Variants in TUBGCP3 observed in about 807,000 individuals in gnomAD.
TUBGCP3 encodes tubulin gamma complex component 3, also known as gamma-tubulin complex component 3.
A neutral mutation model predicts 123.1 loss-of-function variants in TUBGCP3; 50 were observed. That is an observed-to-expected ratio of 0.41 (90% CI 0.32 to 0.51). The LOEUF is 0.51. TUBGCP3 is among the 20% of genes least tolerant of loss of function. The pLI, the probability that TUBGCP3 is intolerant of heterozygous loss-of-function variation, is 0.36. For synonymous variants in TUBGCP3, 405 were observed against 413.9 expected (o/e 0.98, Z 0.26); for missense variants, 882 against 1,127.0 (o/e 0.78, Z 3.11).
At position 112,554,744 on chromosome 13, in the gene TUBGCP3, A is replaced by G. The variant is rs1879882331; in HGVS notation, c.840+143T>C. ...ACGAGCCACAATGGACAGAAATAGA[A>G]ACCAGAATTCCACAGTGCAATTTCA... On this transcript the variant is annotated intron_variant, in intron 7 of 21. Transcript: ENST00000261965. The G allele has an allele frequency of 1.6e-5, 10 of 607,584 alleles. No individual in the cohort carries two copies. In the South Asian group the frequency reaches 2.1e-4, roughly 13 times the overall value. The allele number at this position is 607,584 out of a possible 1,614,324, so 37.6% of individuals were successfully genotyped here. A position where few individuals can be genotyped will look rare whatever the true frequency, so the allele number is the denominator to read the frequency against.
the TUBGCP3 span, among the ~76,000 whole-genome samples, chr13:112,600,418 TCAC>T: frequency 6.6e-6 from 1 of 152,214 alleles, no homozygotes; most frequent in Non-Finnish European, 1.5e-5. Context: ...AAATTTATAC[TCAC>T]TTTTCTTTTA....
chr13:112,486,280 C>G (rs1879666290), intron 21 of TUBGCP3, 129 bp from the exon 22 acceptor site: 3 of 1,146,262 alleles, frequency 2.6e-6, no homozygotes, highest in South Asian at 3.2e-5. Flanking sequence ...TTAGTAAATG[C>G]CCACCAGGGC....
intron 8 of TUBGCP3, among the ~76,000 whole-genome samples, chr13:112,553,601 T>A (rs9635135): frequency 0.16 from 23,975 of 152,218 alleles, 2,145 homozygotes; most frequent in Non-Finnish European, 0.21. Flanking sequence ...CAGACAGCCA[T>A]AGCCAGGATT....
At chr13:112,566,071 G>A (rs1594210957) in intron 2 of TUBGCP3, among the ~76,000 whole-genome samples, 1 of 152,218 alleles carries the variant, frequency 6.6e-6, no homozygotes, top group Non-Finnish European at 1.5e-5. Flanking sequence ...AAATGTCTTT[G>A]GCTGTTCCAG....
chr13:112,535,802 C>T (rs1036901944), intron 11 of TUBGCP3, among the ~76,000 whole-genome samples: 2 of 152,218 alleles, frequency 1.3e-5, no homozygotes, highest in African/African-American at 4.8e-5. Context: ...CTTGTTCTCA[C>T]TGCTGGTGCT....
chr13:112,526,549 TCCC>T (rs892727682), intron 13 of TUBGCP3, among the ~76,000 whole-genome samples: 1 of 144,912 alleles, frequency 6.9e-6, no homozygotes, highest in African/African-American at 2.6e-5. Flanking sequence ...TCACCACCCA[TCCC>T]CAACATCATC....
chr13:112,563,205 ATTC>A (rs1166775653), intron 3 of TUBGCP3, among the ~76,000 whole-genome samples: 1 of 152,170 alleles, frequency 6.6e-6, no homozygotes, highest in Non-Finnish European at 1.5e-5. Context: ...AAGAGCAAAC[ATTC>A]GACTGCACCT....
At chr13:112,498,308 A>G (rs757074757) in intron 20 of TUBGCP3, among the ~76,000 whole-genome samples, 36 of 152,210 alleles carry the variant, frequency 2.4e-4, no homozygotes, top group Non-Finnish European at 3.5e-4. Context: ...CAGTATTTGC[A>G]TATACATAAC....
chr13:112,543,571 T>G (rs1375760624), intron 11 of TUBGCP3, among the ~76,000 whole-genome samples: 1 of 152,154 alleles, frequency 6.6e-6, no homozygotes, highest in Non-Finnish European at 1.5e-5. Flanking sequence ...TTTCAAACCA[T>G]AGAGTCATTT....
intron 1 of TUBGCP3, among the ~76,000 whole-genome samples, chr13:112,576,430 G>A (rs145928996): frequency 1.1e-3 from 169 of 152,176 alleles, no homozygotes; most frequent in Non-Finnish European, 2.0e-3. Flanking sequence ...GCATGGGGAC[G>A]GTAGTTAATG....
chr13:112,516,393 A>G (rs748679993), intron 17 of TUBGCP3, 47 bp downstream of exon 17: 3 of 1,496,160 alleles, frequency 2.0e-6, no homozygotes, highest in Admixed American at 4.4e-5. Flanking sequence ...TGGGGGCTGG[A>G]GGCCGCTGGG....
chr13:112,524,628 C>A lies in TUBGCP3; in HGVS notation c.1556-2119G>T, dbSNP rs1434891217. On this transcript the variant is annotated intron_variant, in intron 13 of 21. Transcript: ENST00000261965. This position sits in a 1 kb window ranked among gnomAD's most constrained non-coding sequence, Gnocchi z 4.4. ...GAACAATCTGGGGTCTATGTACCCC[C>A]CCACAAAAAAATACATGTAAAATTA... Among the ~76,000 whole-genome samples, 1 of 152,134 alleles carries A rather than the reference C, an allele frequency of 6.6e-6. No homozygotes were observed. Among genetic ancestry groups the A allele is most frequent in the Non-Finnish European group, 1.5e-5 (1 of 68,014 alleles).
At chr13:112,542,084 T>C (rs1216436751) in intron 11 of TUBGCP3, among the ~76,000 whole-genome samples, 2 of 151,902 alleles carry the variant, frequency 1.3e-5, no homozygotes, top group East Asian at 3.9e-4. Context: ...CTGGTCAAAG[T>C]ATTTCTCATA....
At position 112,489,628 on chromosome 13, in the gene TUBGCP3, T is replaced by C. The variant is rs150815099; in HGVS notation, c.2518A>G (p.Ile840Val). The change falls in exon 21 of 22, where the codon ATA (isoleucine) becomes GTA (valine). Residue 840 changes from isoleucine (I) to valine (V), a missense_variant. Ile to Val is a conservative substitution (Grantham distance 29). Around this residue, in one of 3 missense-constraint regions of TUBGCP3, gnomAD observed 160 missense variants for 220.3 expected, o/e 0.73. Transcript: ENST00000261965. ...CGCAACTGTGAGCACATTTTTGGTA[T>C]AGATTCTTTAAATTCTCCAATCCTC... ...NKRIGEFKES[I>V]PKMCSQLRIL... 1.7e-5 allele frequency: 27 copies of C among 1,614,152 alleles called. No individual in the cohort carries two copies. Among genetic ancestry groups the C allele is most frequent in the Non-Finnish European group, 2.2e-5 (26 of 1,180,064 alleles).
chr13:112,569,317 T>C, intron 1 of TUBGCP3, 58 bp from the exon 2 acceptor site: 1 of 1,537,898 alleles, frequency 6.5e-7, no homozygotes, highest in East Asian at 2.3e-5. Flanking sequence ...TCTGGTCACC[T>C]GAAGCTTCCA....
intron 16 of TUBGCP3, among the ~76,000 whole-genome samples, chr13:112,518,290 G>C (rs1237994937): frequency 2.0e-5 from 3 of 152,300 alleles, no homozygotes; most frequent in Admixed American, 6.5e-5. Flanking sequence ...AGAAATTTTA[G>C]AGCCCAACTA....
intron 8 of TUBGCP3, among the ~76,000 whole-genome samples, chr13:112,549,872 C>G (rs1244324105): frequency 6.6e-6 from 1 of 151,744 alleles, no homozygotes; most frequent in South Asian, 2.1e-4. Flanking sequence ...TGCCTGTGGT[C>G]CCAGCTACTC....
chr13:112,592,893 T>G (rs1444339725), upstream of TUBGCP3, among the ~76,000 whole-genome samples: 1 of 152,250 alleles, frequency 6.6e-6, no homozygotes, highest in Non-Finnish European at 1.5e-5. The surrounding 1 kb of genome is among the most constrained non-coding windows in gnomAD (Gnocchi z 4.1). Context: ...CCACAGGGCA[T>G]TTGGGCTGCA....
chr13:112,602,322 G>A, the TUBGCP3 span, among the ~76,000 whole-genome samples: 9 of 152,148 alleles, frequency 5.9e-5, no homozygotes, highest in Non-Finnish European at 2.9e-5. Context: ...CGGATGATTA[G>A]AGCGCTTATT....
Sources: allele counts gnomAD v4.1 joint callset (sites outside exome capture counted in the v4.1 genomes callset), GRCh38; gene constraint gnomAD v4.1.1; regional missense constraint gnomAD v4.1.1; non-coding constraint Gnocchi (gnomAD v3.1); transcripts MANE v1.5; gene names NCBI Gene and HGNC (gene_info 2026-07-23, HGNC 2026-07-21).